Variants in AKR1C2 observed in about 807,000 individuals in gnomAD.
AKR1C2 encodes aldo-keto reductase family 1 member C2.
AKR1C2 carries 27 observed loss-of-function variants against 39.8 expected under a neutral mutation model. The observed-to-expected ratio is 0.68, with a 90% CI of 0.50 to 0.93. The LOEUF is 0.93. AKR1C2 is among the 40% of genes least tolerant of loss of function. The pLI is 0.00. For synonymous variants in AKR1C2, 114 were observed against 137.9 expected, an observed-to-expected ratio of 0.83 and a Z score of 1.22; for missense variants, 263 against 365.1, an observed-to-expected ratio of 0.72 and a Z score of 2.28.
Position 4,988,725 on chromosome 10 carries a change from A to G in AKR1C2, c.*1271T>C, listed in dbSNP as rs1836741196. On this transcript the variant is annotated 3_prime_UTR_variant, in exon 9 of 9. Transcript: ENST00000380753. ...ATGTGTTAGAAAGTGTGCCCAGGTA[A>G]AAAACCACTGTCCTTCTCATAATGC... 6.6e-6 allele frequency: 1 copy of G among 151,280 alleles called. No homozygotes were observed. The highest frequency in any genetic ancestry group is 6.6e-5 in the Admixed American group (1 of 15,176). The allele number at this position is 151,280 out of a possible 1,614,324, so 9.4% of individuals were successfully genotyped here.
rs1255790103 is a variant in AKR1C2 at position 4,988,272 on chromosome 10, C to G, written c.*1724G>C. Reference sequence around the variant, plus strand: ...ATGTGAAATTATCATTCCATAGACTCAGAAAGTTAAGGTAGAACAGGATGG... The same window carrying G: ...ATGTGAAATTATCATTCCATAGACTGAGAAAGTTAAGGTAGAACAGGATGG... On this transcript the variant is annotated 3_prime_UTR_variant, in exon 9 of 9. Coordinates refer to ENST00000380753, the MANE Select transcript of AKR1C2 (RefSeq NM_001393392.1). The G allele has an allele frequency of 6.6e-6, 1 of 152,146 alleles. No individual in the cohort carries two copies. Among genetic ancestry groups the G allele is most frequent in the Non-Finnish European group, 1.5e-5 (1 of 68,014 alleles). 9.4% of individuals were successfully genotyped at this position (152,146 alleles called of 1,614,324 possible).
At chr10:5,016,787 C>CA (rs1404520551) in intron 1 of AKR1C2, among the ~76,000 whole-genome samples, 2 of 152,206 alleles carry the variant, frequency 1.3e-5, no homozygotes, top group African/African-American at 4.8e-5. Flanking sequence ...ATGAGTGTTC[C>CA]ACCCTTGCAG....
chr10:5,009,808 A>G (rs1837483567), intron 1 of AKR1C2, among the ~76,000 whole-genome samples: 1 of 151,818 alleles, frequency 6.6e-6, no homozygotes. Flanking sequence ...CAGAACAATG[A>G]CACACAGAAA....
Position 4,999,230 on chromosome 10 carries a change from A to T in AKR1C2, c.417T>A (p.Phe139Leu). 1 of 1,609,196 alleles carries T rather than the reference A, an allele frequency of 6.2e-7. No homozygotes were observed. Among genetic ancestry groups the T allele is most frequent in the Non-Finnish European group, 8.5e-7 (1 of 1,177,092 alleles). The change falls in exon 4 of 9, where the codon TTT becomes TTA. Residue 139 changes from phenylalanine to leucine, a missense_variant. By Grantham distance (22) the Phe-to-Leu change is conservative (BLOSUM62 0). Around this residue, in one of 3 missense-constraint regions of AKR1C2, gnomAD observed 247 missense variants for 267.9 expected, o/e 0.92. Transcript: ENST00000380753. Reference protein sequence around the residue: ...IPKDENGKILFDTVDLCATWE... With the variant: ...IPKDENGKILLDTVDLCATWE... ...ATGTGGCACAGAGATCCACTGTGTC[A>T]AATAGTATTTTTCCATTTTCATCTT...
chr10:5,012,351 AC>A (rs1837541154), intron 1 of AKR1C2, among the ~76,000 whole-genome samples: 1 of 151,882 alleles, frequency 6.6e-6, no homozygotes, highest in African/African-American at 2.4e-5. Context: ...ATGTTACCTT[AC>A]CTGGCAAAAC....
intron 6 of AKR1C2, 51 bp downstream of exon 6, chr10:4,995,704 AT>A (rs527820761): frequency 1.1e-5 from 16 of 1,520,580 alleles, no homozygotes; most frequent in Middle Eastern, 1.7e-4. Context: ...ATCTGATTAA[AT>A]TTTTTTTATC....
chr10:4,992,899 G>A (rs138697304), intron 7 of AKR1C2, among the ~76,000 whole-genome samples: 1,952 of 152,178 alleles, frequency 0.013, 43 homozygotes, highest in African/African-American at 0.044. Context: ...GCAGTGAGCC[G>A]AGTTCGTGCC....
At chr10:4,991,041 T>C (rs1448881970) in intron 8 of AKR1C2, among the ~76,000 whole-genome samples, 1 of 151,312 alleles carries the variant, frequency 6.6e-6, no homozygotes, top group East Asian at 1.9e-4. Context: ...ATAACTTCTT[T>C]TTCCCTCATT....
chr10:4,990,098 G>A, intron 8 of AKR1C2, 60 bp from the exon 9 acceptor site: 1 of 1,604,332 alleles, frequency 6.2e-7, no homozygotes, highest in East Asian at 2.2e-5. Context: ...CTAGCCCGTA[G>A]CGCAGTGATT....
chr10:4,997,324 C>T (rs2518045), intron 5 of AKR1C2: 31,099 of 152,138 alleles, frequency 0.2, 4,027 homozygotes, highest in East Asian at 0.6. Context: ...AAAAGAAGAG[C>T]TACAAAAGAT....
At chr10:5,003,860 A>G (rs1554774138), upstream of AKR1C2, 1 of 1,613,656 alleles carries the variant, frequency 6.2e-7, no homozygotes, top group South Asian at 1.1e-5. Context: ...TGGTTAGCAA[A>G]TGTTTCTTCC....
chr10:4,993,420 G>C (rs1302770436), intron 7 of AKR1C2, among the ~76,000 whole-genome samples: 1 of 151,904 alleles, frequency 6.6e-6, no homozygotes, highest in Non-Finnish European at 1.5e-5. Flanking sequence ...GGTAAATTTT[G>C]CTAAAAATTC....
At chr10:4,997,711 T>G (rs752262342) in intron 5 of AKR1C2, among the ~76,000 whole-genome samples, 3 of 152,186 alleles carry the variant, frequency 2.0e-5, no homozygotes, top group Admixed American at 6.5e-5. Context: ...AATGCTTTTA[T>G]TAAATTATCA....
At chr10:5,010,122 C>G (rs1251071426) in intron 1 of AKR1C2, among the ~76,000 whole-genome samples, 1 of 144,354 alleles carries the variant, frequency 6.9e-6, no homozygotes, top group Non-Finnish European at 1.5e-5. Flanking sequence ...GCTGCAGACT[C>G]AAGCCGTCTG....
intron 1 of AKR1C2, among the ~76,000 whole-genome samples, chr10:5,002,756 C>T (rs868950674): frequency 1.3e-5 from 2 of 152,110 alleles, no homozygotes; most frequent in African/African-American, 2.4e-5. Flanking sequence ...AACTAGATAC[C>T]GGGTCTCACA....
chr10:5,016,129 A>C (rs1286103206), intron 1 of AKR1C2, among the ~76,000 whole-genome samples: 1 of 152,174 alleles, frequency 6.6e-6, no homozygotes, highest in Non-Finnish European at 1.5e-5. Context: ...ACACAGAGCC[A>C]AACCATATCA....
chr10:5,000,369 A>G, intron 3 of AKR1C2, 181 bp downstream of exon 3: 1 of 1,549,736 alleles, frequency 6.5e-7, no homozygotes. Flanking sequence ...GCAATCACGG[A>G]AGTATGGATT....
chr10:4,992,495 C>T (rs1212193391), intron 7 of AKR1C2, among the ~76,000 whole-genome samples: 16 of 151,876 alleles, frequency 1.1e-4, no homozygotes, highest in Admixed American at 5.9e-4. Flanking sequence ...CATAGGGAAA[C>T]TGAAGGAGTA....
At position 4,988,585 on chromosome 10, in the gene AKR1C2, G is replaced by A. The variant is rs1161021605; in HGVS notation, c.*1411C>T. 6.6e-6 allele frequency: 1 copy of A among 152,144 alleles called. No homozygotes were observed. The highest frequency in any genetic ancestry group is 1.5e-5 in the Non-Finnish European group (1 of 68,016). 9.4% of individuals were successfully genotyped at this position (152,144 alleles called of 1,614,324 possible). A position where few individuals can be genotyped will look rare whatever the true frequency, so the allele number is the denominator to read the frequency against. ...AATTTTATAGAATAAGTAATTTACA[G>A]AAAAATTGTGAGCTGCAAAACTTGC... On this transcript the variant is annotated 3_prime_UTR_variant, in exon 9 of 9. Transcript: ENST00000380753.
Sources: allele counts gnomAD v4.1 joint callset (sites outside exome capture counted in the v4.1 genomes callset), GRCh38; gene constraint gnomAD v4.1.1; regional missense constraint gnomAD v4.1.1; transcripts MANE v1.5; gene names NCBI Gene and HGNC (gene_info 2026-07-23, HGNC 2026-07-21).